HTR1F: variants seen among roughly 807,000 people sequenced by gnomAD.
The protein encoded by HTR1F is 5-hydroxytryptamine receptor 1F.
Under a neutral mutation model 24.0 loss-of-function variants are expected in HTR1F, and 17 were observed. The observed-to-expected ratio is 0.71, with a 90% CI of 0.48 to 1.06. HTR1F has a LOEUF of 1.06. Ranked by LOEUF, HTR1F falls within the 50% of genes least tolerant of loss-of-function variation. The pLI, the probability that HTR1F is intolerant of heterozygous loss-of-function variation, is 0.00. For synonymous variants in HTR1F, 186 were observed against 156.8 expected, an observed-to-expected ratio of 1.19 and a Z score of -1.39; for missense variants, 391 against 427.8, an observed-to-expected ratio of 0.91 and a Z score of 0.76.
intron 2 of HTR1F, among the ~76,000 whole-genome samples, chr3:87,961,025 C>G (rs1329570286): frequency 6.6e-6 from 1 of 150,598 alleles, no homozygotes; most frequent in Non-Finnish European, 1.5e-5. Flanking sequence ...CACACACATA[C>G]ACACAAACTT....
At chr3:87,906,328 G>A (rs1363399746) in intron 2 of HTR1F, among the ~76,000 whole-genome samples, 1 of 151,976 alleles carries the variant, frequency 6.6e-6, no homozygotes, top group East Asian at 1.9e-4. Context: ...TTTCAAGAAA[G>A]TGGAAATAAT....
At chr3:87,809,005 G>T (rs371337041) in intron 1 of HTR1F, among the ~76,000 whole-genome samples, 1 of 151,476 alleles carries the variant, frequency 6.6e-6, no homozygotes, top group Admixed American at 6.6e-5. Context: ...ACTTGTTTTG[G>T]TTCCTAACAT....
chr3:87,924,832 A>G (rs1188104040), intron 2 of HTR1F, among the ~76,000 whole-genome samples: 1 of 152,118 alleles, frequency 6.6e-6, no homozygotes, highest in African/African-American at 2.4e-5. Context: ...ATTTGACTAC[A>G]GTGTGCCTCA....
intron 2 of HTR1F, among the ~76,000 whole-genome samples, chr3:87,824,283 T>TG (rs1244736965): frequency 6.6e-6 from 1 of 152,190 alleles, no homozygotes; most frequent in Non-Finnish European, 1.5e-5. Flanking sequence ...ACCAAAAATG[T>TG]GGGGGTCTTA....
At chr3:87,941,911 G>T (rs527855140) in intron 2 of HTR1F, among the ~76,000 whole-genome samples, 8 of 152,238 alleles carry the variant, frequency 5.3e-5, no homozygotes, top group South Asian at 2.1e-4. Flanking sequence ...TATTGCAGGG[G>T]CTATTGCATG....
At chr3:87,834,333 A>T (rs1704640727) in intron 2 of HTR1F, among the ~76,000 whole-genome samples, 1 of 152,188 alleles carries the variant, frequency 6.6e-6, no homozygotes, top group Non-Finnish European at 1.5e-5. Flanking sequence ...ATGCGCACAA[A>T]TACTCATATA....
At chr3:87,820,829 C>T (rs778337847) in intron 1 of HTR1F, among the ~76,000 whole-genome samples, 2 of 151,976 alleles carry the variant, frequency 1.3e-5, no homozygotes, top group African/African-American at 2.4e-5. Flanking sequence ...GCATTTATAA[C>T]CTTATTTATG....
chr3:87,882,281 C>T (rs771212790), intron 2 of HTR1F, among the ~76,000 whole-genome samples: 4 of 152,118 alleles, frequency 2.6e-5, no homozygotes, highest in African/African-American at 9.7e-5. Context: ...ACATCAACCA[C>T]TGTGGAAGTC....
chr3:87,847,144 G>C (rs983133922), intron 2 of HTR1F, among the ~76,000 whole-genome samples: 1 of 151,660 alleles, frequency 6.6e-6, no homozygotes, highest in East Asian at 1.9e-4. Context: ...AAAAATCAAA[G>C]AAATGCAAAT....
chr3:87,970,312 C>T lies in HTR1F; in HGVS notation c.-42-20396C>T, dbSNP rs111842050. Among the ~76,000 whole-genome samples the T allele has an allele frequency of 4.2e-3, 641 of 152,286 alleles. 2 individuals are homozygous for T. The highest frequency in any genetic ancestry group is 6.8e-3 in the Middle Eastern group (2 of 294). On this transcript the variant is annotated intron_variant, in intron 2 of 2. Coordinates refer to ENST00000319595, the MANE Select transcript of HTR1F (RefSeq NM_001322209.2). ...TCTGGTGGGGGCAGGGTTTAAAACA[C>T]ATTGATGAGTTTCATTCCCAAAGTT...
intron 2 of HTR1F, among the ~76,000 whole-genome samples, chr3:87,898,826 G>T (rs1435156218): frequency 6.6e-6 from 1 of 152,040 alleles, no homozygotes; most frequent in South Asian, 2.1e-4. Context: ...AAGCAACTCA[G>T]AGAAATCTAA....
At chr3:87,798,227 C>A (rs1477988263) in intron 1 of HTR1F, among the ~76,000 whole-genome samples, 1 of 152,052 alleles carries the variant, frequency 6.6e-6, no homozygotes, top group Non-Finnish European at 1.5e-5. Context: ...CAGGACAGTT[C>A]TTCACCGGGA....
At chr3:87,814,784 T>C (rs1043585110) in intron 1 of HTR1F, among the ~76,000 whole-genome samples, 10 of 152,138 alleles carry the variant, frequency 6.6e-5, no homozygotes, top group African/African-American at 2.4e-4. Flanking sequence ...CCTTACTCAA[T>C]AGAAAATACT....
chr3:87,941,052 G>A (rs1435595890), intron 2 of HTR1F, among the ~76,000 whole-genome samples: 1 of 152,178 alleles, frequency 6.6e-6, no homozygotes, highest in Non-Finnish European at 1.5e-5. Flanking sequence ...CCTGTGTAAG[G>A]ACTCCTAGAG....
chr3:87,877,372 A>G (rs1705693014), intron 2 of HTR1F, among the ~76,000 whole-genome samples: 1 of 152,078 alleles, frequency 6.6e-6, no homozygotes, highest in Non-Finnish European at 1.5e-5. Flanking sequence ...TTTGCTTTCA[A>G]TTCACTAAAA....
At chr3:87,807,361 G>A (rs1027350813) in intron 1 of HTR1F, among the ~76,000 whole-genome samples, 67 of 151,580 alleles carry the variant, frequency 4.4e-4, no homozygotes, top group African/African-American at 1.4e-3. Context: ...TTTATTCCTA[G>A]GTATTTTTTA....
intron 2 of HTR1F, among the ~76,000 whole-genome samples, chr3:87,864,381 G>A (rs1443546787): frequency 1.3e-5 from 2 of 152,074 alleles, no homozygotes; most frequent in African/African-American, 4.8e-5. Flanking sequence ...CACCACATAT[G>A]GGTTGTTCTG....
At chr3:87,869,083 G>T (rs2932284) in intron 2 of HTR1F, among the ~76,000 whole-genome samples, 38,096 of 151,702 alleles carry the variant, frequency 0.25, 7,610 homozygotes, top group African/African-American at 0.56. Flanking sequence ...GAAAGTAACT[G>T]CCCTCAATCC....
chr3:87,933,354 G>A (rs1256917066), intron 2 of HTR1F, among the ~76,000 whole-genome samples: 3 of 151,512 alleles, frequency 2.0e-5, no homozygotes, highest in South Asian at 4.2e-4. Flanking sequence ...TTCTGGCCAG[G>A]GCAATTAGGC....
Sources: allele counts gnomAD v4.1 joint callset (sites outside exome capture counted in the v4.1 genomes callset), GRCh38; gene constraint gnomAD v4.1.1; transcripts MANE v1.5; gene names NCBI Gene and HGNC (gene_info 2026-07-23, HGNC 2026-07-21).